The following SPTBN1 variants were observed in gnomAD, a reference collection of about 807,000 sequenced individuals.
The protein encoded by SPTBN1 is spectrin beta, non-erythrocytic 1.
In SPTBN1, 32 loss-of-function variants were observed where a neutral mutation model predicts 266.4. The observed-to-expected ratio is 0.12, with a 90% CI of 0.09 to 0.16. The LOEUF (loss-of-function observed/expected upper bound fraction) is 0.16, where lower values mean the gene tolerates loss of function less well. Among genes scored for constraint, SPTBN1 ranks in the 10% least tolerant of loss-of-function variants. The probability of loss-of-function intolerance (pLI) is 1.00; values close to 1 mark genes in which losing one functional copy is unlikely to be tolerated. For missense variants in SPTBN1, 2,296 were observed against 3,067.1 expected (o/e 0.75, Z 5.94); for synonymous variants, 1,336 against 1,162.2 (o/e 1.15, Z -3.04).
Position 54,558,181 on chromosome 2 carries a change from C to CGGCGGCTGCCG in SPTBN1, c.148+31624_148+31634dup. 4.1e-6 allele frequency: 4 copies of CGGCGGCTGCCG among 985,364 alleles called. No homozygotes were observed. Among genetic ancestry groups the CGGCGGCTGCCG allele is most frequent in the Non-Finnish European group, 4.8e-6 (4 of 829,898 alleles). The allele number at this position is 985,364 out of a possible 1,614,324, so 61.0% of individuals were successfully genotyped here. On this transcript the variant is annotated intron_variant, in intron 2 of 35. Coordinates refer to ENST00000356805, the MANE Select transcript of SPTBN1 (RefSeq NM_003128.3). The surrounding 1 kb of genome is among the most constrained non-coding windows in gnomAD (Gnocchi z 4.6). ...GCGAGTCCAGGGCCCGGCCGGGGGT[C>CGGCGGCTGCCG]GGCGGCTGCCGGGCGGCTGGGGCGA...
chr2:54,622,226 T>G, intron 8 of SPTBN1, 74 bp from the exon 9 acceptor site: 1 of 1,410,692 alleles, frequency 7.1e-7, no homozygotes, highest in Non-Finnish European at 9.7e-7. Flanking sequence ...GTGCATGCAC[T>G]CGTATAGGGT....
chr2:54,567,271 G>T (rs951133525), intron 2 of SPTBN1, among the ~76,000 whole-genome samples: 1 of 152,182 alleles, frequency 6.6e-6, no homozygotes, highest in Non-Finnish European at 1.5e-5. Flanking sequence ...AATAAAGGAT[G>T]CAAGGCCCTG....
chr2:54,479,036 C>G (rs1357705819), intron 1 of SPTBN1, among the ~76,000 whole-genome samples: 3 of 152,094 alleles, frequency 2.0e-5, no homozygotes, highest in Non-Finnish European at 4.4e-5. Flanking sequence ...ACTGAGTGTC[C>G]TGGCTGCCTG....
intron 1 of SPTBN1, among the ~76,000 whole-genome samples, chr2:54,479,924 C>T (rs543813552): frequency 5.9e-5 from 9 of 151,990 alleles, no homozygotes; most frequent in Admixed American, 3.9e-4. Context: ...CTAACTCCTG[C>T]GCTCAAGTGA....
chr2:54,467,198 T>G (rs887693370), intron 1 of SPTBN1, among the ~76,000 whole-genome samples: 2 of 151,566 alleles, frequency 1.3e-5, no homozygotes, highest in African/African-American at 4.9e-5. Context: ...GGAATGTTCT[T>G]CACCAGCTGT....
chr2:54,607,323 T>A (rs988873372), intron 3 of SPTBN1, among the ~76,000 whole-genome samples: 1 of 152,216 alleles, frequency 6.6e-6, no homozygotes, highest in Non-Finnish European at 1.5e-5. Context: ...AATATAGCCA[T>A]GATTTAAAAT....
rs879192322 is a variant in SPTBN1 at position 54,655,160 on chromosome 2, T to C, written c.5913T>C (p.Ile1971=). The C allele has an allele frequency of 1.2e-6, 2 of 1,614,100 alleles. No homozygotes were observed. Among genetic ancestry groups the C allele is most frequent in the African/African-American group, 2.7e-5 (2 of 74,930 alleles). ...GTAATGACAGTTTCACAACCTGCAT[T>C]GAACTTGGGAAATCCCTGTTGGCGA... ...DARNDSFTTC[I]ELGKSLLARK... Residue 1971 remains isoleucine (I), a synonymous_variant, in exon 28 of 36, where the codon ATT becomes ATC. Coordinates refer to ENST00000356805, the MANE Select transcript of SPTBN1 (RefSeq NM_003128.3).
chr2:54,475,049 AC>A (rs1667752175), intron 1 of SPTBN1, among the ~76,000 whole-genome samples: 1 of 152,096 alleles, frequency 6.6e-6, no homozygotes, highest in African/African-American at 2.4e-5. Flanking sequence ...TTATAAAAAT[AC>A]AAAAAATTAG....
At chr2:54,597,183 A>G (rs978751494) in intron 2 of SPTBN1, among the ~76,000 whole-genome samples, 4 of 152,236 alleles carry the variant, frequency 2.6e-5, no homozygotes, top group African/African-American at 7.2e-5. Flanking sequence ...CATATAAACT[A>G]TGAGTTACTT....
At chr2:54,650,025 C>T (rs1227635539) in intron 26 of SPTBN1, 36 bp downstream of exon 26, 4 of 1,569,638 alleles carry the variant, frequency 2.5e-6, no homozygotes, top group East Asian at 2.3e-5. Flanking sequence ...GCTGGGGAGG[C>T]TTTTTCTCCA....
chr2:54,598,655 A>G (rs1199341106), intron 2 of SPTBN1, among the ~76,000 whole-genome samples: 2 of 152,180 alleles, frequency 1.3e-5, no homozygotes, highest in Non-Finnish European at 2.9e-5. Context: ...AATAGCTGTA[A>G]CATGTATGTA....
rs560570629 is a variant in SPTBN1 at position 54,653,527 on chromosome 2, G to A, written c.5578-82G>A. 1.7e-3 allele frequency: 2,627 copies of A among 1,556,250 alleles called. 7 individuals are homozygous for A. Among genetic ancestry groups the A allele is most frequent in the Non-Finnish European group, 1.8e-3 (2,083 of 1,159,530 alleles). The stretch of plus-strand genomic sequence containing the variant: ...TGACTCTGTGCTCCCTTTAGTGTAT[G>A]AGCAGAACAGAATAGGGCTTGGGGT... On this transcript the variant is annotated intron_variant, in intron 26 of 35. Transcript: ENST00000356805. The surrounding 1 kb of genome is among the most constrained non-coding windows in gnomAD (Gnocchi z 5.1).
At chr2:54,571,595 A>G (rs1674090379) in intron 2 of SPTBN1, among the ~76,000 whole-genome samples, 1 of 141,604 alleles carries the variant, frequency 7.1e-6, no homozygotes. Context: ...ACACACACAC[A>G]CACACATATC....
rs549530077 is a variant in SPTBN1, at chr2:54,472,621, G to A, written c.-48+16103G>A. Among the ~76,000 whole-genome samples, 18 of 152,176 alleles carry A rather than the reference G, an allele frequency of 1.2e-4. No individual in the cohort carries two copies. The East Asian group carries it at 3.3e-3, about 28-fold the overall frequency. On this transcript the variant is annotated intron_variant, in intron 1 of 35. Coordinates refer to ENST00000356805, the MANE Select transcript of SPTBN1 (RefSeq NM_003128.3). Reference sequence around the variant, plus strand: ...CAGAGTGGTAAAAACAGGGGGGGTTGGGAGTGGTCTTTGAAATGGGTCCTG... The same window carrying A: ...CAGAGTGGTAAAAACAGGGGGGGTTAGGAGTGGTCTTTGAAATGGGTCCTG...
chr2:54,664,358 A>T lies in SPTBN1; in HGVS notation c.6421-95A>T. Reference sequence around the variant, plus strand: ...TGTACTGCCTCGATCTGTGCCAGGCATTTATACACAGCCACATGTGCGAGT... The same window carrying T: ...TGTACTGCCTCGATCTGTGCCAGGCTTTTATACACAGCCACATGTGCGAGT... On this transcript the variant is annotated intron_variant, in intron 32 of 35. Coordinates refer to ENST00000356805, the MANE Select transcript of SPTBN1 (RefSeq NM_003128.3). The surrounding 1 kb of genome is among the most constrained non-coding windows in gnomAD (Gnocchi z 5.6). 1.6e-6 allele frequency: 2 copies of T among 1,287,420 alleles called. No homozygotes were observed. The highest frequency in any genetic ancestry group is 2.2e-6 in the Non-Finnish European group (2 of 912,618). The allele number at this position is 1,287,420 out of a possible 1,614,324, so 79.7% of individuals were successfully genotyped here. A position where few individuals can be genotyped will look rare whatever the true frequency, so the allele number is the denominator to read the frequency against.
In SPTBN1 at chr2:54,558,494, C is replaced by G. The variant is rs1294133710; in HGVS notation, c.148+31928C>G. The G allele has an allele frequency of 4.3e-6, 5 of 1,166,394 alleles. No homozygotes were observed. The highest frequency in any genetic ancestry group is 5.3e-6 in the Non-Finnish European group (5 of 944,124). The allele number at this position is 1,166,394 out of a possible 1,614,324, so 72.3% of individuals were successfully genotyped here. A position where few individuals can be genotyped will look rare whatever the true frequency, so the allele number is the denominator to read the frequency against. ...CTGAAGTAGAACCTGCGCCTCCTCT[C>G]TGCTTCTCCCTCCTCCTCAGTAATT... is the stretch of plus-strand genomic sequence containing the variant. On this transcript the variant is annotated intron_variant, in intron 2 of 35. Transcript: ENST00000356805. This position sits in a 1 kb window ranked among gnomAD's most constrained non-coding sequence, Gnocchi z 4.6.
At chr2:54,526,789 T>C (rs913803476) in intron 2 of SPTBN1, 7 of 404,838 alleles carry the variant, frequency 1.7e-5, no homozygotes, top group African/African-American at 1.2e-4. Flanking sequence ...CAGAGTGTTA[T>C]TTATAGCAAT....
chr2:54,608,579 G>A (rs938993508), intron 3 of SPTBN1, among the ~76,000 whole-genome samples: 1 of 152,162 alleles, frequency 6.6e-6, no homozygotes, highest in Non-Finnish European at 1.5e-5. Context: ...CTCTACTAGA[G>A]GGGGAGTGAT....
chr2:54,528,980 C>T (rs975298182), intron 2 of SPTBN1, among the ~76,000 whole-genome samples: 1 of 152,030 alleles, frequency 6.6e-6, no homozygotes, highest in African/African-American at 2.4e-5. Flanking sequence ...ATTTTACTTC[C>T]TTATTCTGTG....
Sources: allele counts gnomAD v4.1 joint callset (sites outside exome capture counted in the v4.1 genomes callset), GRCh38; gene constraint gnomAD v4.1.1; non-coding constraint Gnocchi (gnomAD v3.1); transcripts MANE v1.5; gene names NCBI Gene and HGNC (gene_info 2026-07-23, HGNC 2026-07-21).